Variants in RARS2 observed in about 807,000 individuals in gnomAD.
The protein encoded by RARS2 is probable arginine--tRNA ligase, mitochondrial.
A neutral mutation model predicts 88.5 loss-of-function variants in RARS2; 67 were observed. That is an observed-to-expected ratio of 0.76 (90% CI 0.62 to 0.93). The LOEUF (loss-of-function observed/expected upper bound fraction) is 0.93. RARS2 is among the 40% of genes least tolerant of loss of function. The probability of loss-of-function intolerance (pLI) is 0.00; values close to 1 mark genes in which losing one functional copy is unlikely to be tolerated. For missense variants in RARS2, 664 were observed against 684.2 expected (o/e 0.97, Z 0.33); for synonymous variants, 239 against 230.3 (o/e 1.04, Z -0.34).
At chr6:87,575,805 A>ATCATTGTGG (rs1771288740) in intron 1 of RARS2, among the ~76,000 whole-genome samples, 2 of 151,872 alleles carry the variant, frequency 1.3e-5, no homozygotes, top group South Asian at 4.2e-4. Context: ...ACCTCCATGC[A>ATCATTGTGG]TCATTGTGGA....
At chr6:87,524,783 C>G (rs1775122365) in intron 10 of RARS2, 131 bp from the exon 11 acceptor site, 1 of 686,226 alleles carries the variant, frequency 1.5e-6, no homozygotes, top group Non-Finnish European at 2.6e-6. Flanking sequence ...CCAATTCAAG[C>G]TTTAATCAAC....
intron 4 of RARS2, among the ~76,000 whole-genome samples, chr6:87,562,251 T>C (rs1788065937): frequency 1.3e-5 from 2 of 152,206 alleles, no homozygotes; most frequent in Non-Finnish European, 2.9e-5. Context: ...CAGTCTACTA[T>C]ACGCCTAGGC....
chr6:87,570,021 G>C (rs1769156372), intron 1 of RARS2, among the ~76,000 whole-genome samples: 1 of 151,556 alleles, frequency 6.6e-6, no homozygotes, highest in Non-Finnish European at 1.5e-5. Context: ...AGGTATTAGG[G>C]ATACAGCAGT....
intron 1 of RARS2, among the ~76,000 whole-genome samples, chr6:87,582,242 A>T (rs879098329): frequency 3.3e-5 from 5 of 152,112 alleles, no homozygotes; most frequent in Non-Finnish European, 5.9e-5. Flanking sequence ...AAGTGTTCCT[A>T]TTTCTCCACA....
At chr6:87,584,589 G>A in intron 1 of RARS2, 7 of 341,672 alleles carry the variant, frequency 2.0e-5, no homozygotes, top group Middle Eastern at 3.8e-4. Flanking sequence ...CACAAATAGT[G>A]AAGCTAGAAT....
chr6:87,588,120 C>G (rs78832253), intron 1 of RARS2, among the ~76,000 whole-genome samples: 4 of 152,038 alleles, frequency 2.6e-5, no homozygotes, highest in Non-Finnish European at 5.9e-5. Flanking sequence ...AAACTAAACA[C>G]AATTTGTTTC....
rs56704136 is a variant in RARS2, at chr6:87,536,162, C to CA, written c.613-5221dup. ...GTTCTATTAATAAAACCTTCTATAG[C>CA]AAAAAAAAAGGTTAATATGCTTAGA... On this transcript the variant is annotated intron_variant, in intron 8 of 19. Coordinates refer to ENST00000369536, the MANE Select transcript of RARS2 (RefSeq NM_020320.5). Among the ~76,000 whole-genome samples, 1,316 of 151,138 alleles carry CA rather than the reference C, an allele frequency of 8.7e-3. 7 individuals are homozygous for CA. The highest frequency in any genetic ancestry group is 0.013 in the Non-Finnish European group (870 of 67,736).
intron 5 of RARS2, among the ~76,000 whole-genome samples, chr6:87,553,190 A>G (rs570591393): frequency 1.3e-5 from 2 of 152,118 alleles, no homozygotes; most frequent in Admixed American, 1.3e-4. Context: ...AGGTCTTGCT[A>G]CCCTGCGGGA....
intron 12 of RARS2, 51 bp from the exon 13 acceptor site, chr6:87,520,307 T>G (rs551902809): frequency 5.1e-5 from 70 of 1,372,272 alleles, no homozygotes; most frequent in Admixed American, 6.8e-5. Context: ...AATTAATGTA[T>G]AAAAATAGGT....
Position 87,521,563 on chromosome 6 carries a change from G to A in RARS2, c.975-39C>T, listed in dbSNP as rs764777842. The A allele has an allele frequency of 3.3e-6, 5 of 1,519,012 alleles. No individual in the cohort carries two copies. The Admixed American group carries it at 8.4e-5, about 25-fold the overall frequency. The allele number at this position is 1,519,012 out of a possible 1,614,324, so 94.1% of individuals were successfully genotyped here. On this transcript the variant is annotated intron_variant, in intron 11 of 19. Coordinates refer to ENST00000369536, the MANE Select transcript of RARS2 (RefSeq NM_020320.5). Reference sequence around the variant, plus strand: ...GCCATAAACCAAGAGTTACTAAGCAGATCCGGGTAATAATTGGTCTTACCT... The same window carrying A: ...GCCATAAACCAAGAGTTACTAAGCAAATCCGGGTAATAATTGGTCTTACCT...
chr6:87,545,216 T>C (rs1342602379), intron 7 of RARS2, among the ~76,000 whole-genome samples: 1 of 152,160 alleles, frequency 6.6e-6, no homozygotes, highest in African/African-American at 2.4e-5. Context: ...TCCGAGTAGC[T>C]AGGACTACAA....
intron 10 of RARS2, among the ~76,000 whole-genome samples, chr6:87,525,124 A>G (rs1174219284): frequency 6.6e-6 from 1 of 152,222 alleles, no homozygotes; most frequent in Non-Finnish European, 1.5e-5. Flanking sequence ...ATTTTCCTTA[A>G]GGACATTACC....
At chr6:87,567,449 T>C (rs1395365570) in intron 2 of RARS2, among the ~76,000 whole-genome samples, 3 of 152,226 alleles carry the variant, frequency 2.0e-5, no homozygotes, top group Non-Finnish European at 4.4e-5. Flanking sequence ...CATTGGCTTA[T>C]AATAAAGTTG....
Position 87,555,440 on chromosome 6 carries a change from T to G in RARS2, c.363A>C (p.Gly121=), listed in dbSNP as rs200065224. 1 of 1,613,964 alleles carries G rather than the reference T, an allele frequency of 6.2e-7. No homozygotes were observed. Among genetic ancestry groups the G allele is most frequent in the East Asian group, 2.2e-5 (1 of 44,862 alleles). The change falls in exon 5 of 20, where the codon GGA becomes GGC. Residue 121 remains glycine, a synonymous_variant. Transcript: ENST00000369536. ...KYGLKSELFS[G]LPQKKIVVEF... ...CAACCACAATCTTCTTCTGGGGAAG[T>G]CCAGAGAAAAGTTCACTTTTTAATC... is the stretch of plus-strand genomic sequence containing the variant.
chr6:87,557,276 A>G (rs2128152252), intron 4 of RARS2, among the ~76,000 whole-genome samples: 1 of 152,230 alleles, frequency 6.6e-6, no homozygotes, highest in East Asian at 1.9e-4. Context: ...GCAATAAGAA[A>G]CACATAAAGG....
At chr6:87,541,841 A>G (rs1781076599) in intron 8 of RARS2, 77 bp downstream of exon 8, 4 of 1,147,862 alleles carry the variant, frequency 3.5e-6, no homozygotes, top group Non-Finnish European at 5.2e-6. Flanking sequence ...AGAAAAATAA[A>G]CCTCTGGGAT....
intron 9 of RARS2, among the ~76,000 whole-genome samples, chr6:87,530,121 C>T (rs1582392992): frequency 6.6e-6 from 1 of 152,262 alleles, no homozygotes; most frequent in East Asian, 1.9e-4. Flanking sequence ...AAGGAGACGG[C>T]CACAGATACA....
intron 6 of RARS2, 148 bp downstream of exon 6, chr6:87,548,443 T>C (rs1228869672): frequency 1.4e-6 from 1 of 725,002 alleles, no homozygotes; most frequent in African/African-American, 1.8e-5. Flanking sequence ...ACCAATGTCA[T>C]CCATTTCCTG....
At chr6:87,545,503 G>C (rs1236683869) in intron 7 of RARS2, 113 bp downstream of exon 7, 1 of 1,342,466 alleles carries the variant, frequency 7.4e-7, no homozygotes, top group South Asian at 1.4e-5. Context: ...AAAAAAAATA[G>C]GTAGGACATA....
Sources: allele counts gnomAD v4.1 joint callset (sites outside exome capture counted in the v4.1 genomes callset), GRCh38; gene constraint gnomAD v4.1.1; transcripts MANE v1.5; gene names NCBI Gene and HGNC (gene_info 2026-07-23, HGNC 2026-07-21).